Variants in ALLC observed in about 807,000 individuals in gnomAD.
The protein encoded by ALLC is probable inactive allantoicase.
In ALLC, 40 loss-of-function variants were observed where a neutral mutation model predicts 45.0. That is an observed-to-expected ratio of 0.89 (90% CI 0.69 to 1.16). ALLC has a LOEUF of 1.16. ALLC is among the 50% of genes most tolerant of loss of function. ALLC has a pLI of 0.00. For missense variants in ALLC, 488 were observed against 493.1 expected, an observed-to-expected ratio of 0.99 and a Z score of 0.10; for synonymous variants, 176 against 178.1, an observed-to-expected ratio of 0.99 and a Z score of 0.09.
chr2:3,680,369 C>A lies in ALLC; in HGVS notation c.298+375C>A, dbSNP rs1401154708. ...AGGTCTGGGACAGCTGTGGGGTGAG[C>A]AGCACCAGCCCTGCTTTGGGCTGTC... is the stretch of plus-strand genomic sequence containing the variant. On this transcript the variant is annotated intron_variant, in intron 5 of 11. Coordinates refer to ENST00000252505, the MANE Select transcript of ALLC (RefSeq NM_018436.4). The surrounding 1 kb of genome is among the most constrained non-coding windows in gnomAD (Gnocchi z 4.0). 6.6e-6 allele frequency among the ~76,000 whole-genome samples: 1 copy of A among 152,146 alleles called. No individual in the cohort carries two copies. Among genetic ancestry groups the A allele is most frequent in the Non-Finnish European group, 1.5e-5 (1 of 68,032 alleles).
intron 7 of ALLC, among the ~76,000 whole-genome samples, chr2:3,686,580 A>T (rs1667338945): frequency 6.6e-6 from 1 of 150,986 alleles, no homozygotes; most frequent in African/African-American, 2.4e-5. Context: ...AGCACGGAAC[A>T]TCTTTCCATT....
chr2:3,679,748 T>C, intron 4 of ALLC, 121 bp from the exon 5 acceptor site: 1 of 1,406,770 alleles, frequency 7.1e-7, no homozygotes, highest in Non-Finnish European at 9.9e-7. Flanking sequence ...TGAACAGTTT[T>C]TTCTGTGATG....
chr2:3,672,371 C>T (rs1339666815), intron 2 of ALLC, among the ~76,000 whole-genome samples: 1 of 121,466 alleles, frequency 8.2e-6, no homozygotes, highest in Non-Finnish European at 1.8e-5. Flanking sequence ...GGTCCTCTGG[C>T]TCTATTTAGA....
chr2:3,662,049 C>T (rs1666591052), intron 1 of ALLC, among the ~76,000 whole-genome samples: 1 of 152,224 alleles, frequency 6.6e-6, no homozygotes, highest in African/African-American at 2.4e-5. Context: ...CCCATGAGCC[C>T]TGAACTTCAG....
At chr2:3,650,447 A>G in the ALLC span, among the ~76,000 whole-genome samples, 2 of 152,170 alleles carry the variant, frequency 1.3e-5, no homozygotes, top group African/African-American at 4.8e-5. Context: ...CTACTGAGTG[A>G]GAGAAACAGC....
In ALLC at chr2:3,696,265, T is replaced by C; in HGVS notation, c.668-10T>C. On this transcript the variant is annotated splice_polypyrimidine_tract_variant and intron_variant, in intron 8 of 11. Transcript: ENST00000252505. ...TGCAGTTTACCATTCAACAATGTTA[T>C]TTTCTGTAGGAGTTGGCGGGGCAAA... The C allele has an allele frequency of 1.2e-6, 2 of 1,610,474 alleles. No individual in the cohort carries two copies. The highest frequency in any genetic ancestry group is 1.7e-6 in the Non-Finnish European group (2 of 1,178,258).
intron 2 of ALLC, among the ~76,000 whole-genome samples, chr2:3,671,591 C>T (rs111965223): frequency 0.028 from 2,965 of 106,092 alleles, 31 homozygotes; most frequent in African/African-American, 0.035. Context: ...GGTCCTCTGG[C>T]TCTAGTTAGA....
chr2:3,645,936 C>A, the ALLC span, among the ~76,000 whole-genome samples: 159 of 152,242 alleles, frequency 1.0e-3, 1 homozygote, highest in South Asian at 7.9e-3. The surrounding 1 kb of genome is among the most constrained non-coding windows in gnomAD (Gnocchi z 4.3). Flanking sequence ...GTGAGGGAGG[C>A]CCCGACGGCC....
In ALLC at chr2:3,665,653, T is replaced by A. The variant is rs148603959; in HGVS notation, c.-62-5443T>A. On this transcript the variant is annotated intron_variant, in intron 1 of 11. Coordinates refer to ENST00000252505, the MANE Select transcript of ALLC (RefSeq NM_018436.4). ...GCAAAGGACATGATCTCATTCCTTT[T>A]TATGGCTGCATAGTATTCCATGGTC... Among the ~76,000 whole-genome samples the A allele has an allele frequency of 7.7e-3, 1,179 of 152,386 alleles. 18 individuals are homozygous for A. The highest frequency in any genetic ancestry group is 0.026 in the African/African-American group (1,099 of 41,590).
chr2:3,651,301 T>TGGGGGGGGGGGGGGGGGGGGGG, the ALLC span, among the ~76,000 whole-genome samples: 1 of 7,772 alleles, frequency 1.3e-4, no homozygotes. Context: ...TCTTTTTGGG[T>TGGGGGGGGGGGGGGGGGGGGGG]GGGTGGGTGG....
Position 3,682,102 on chromosome 2 carries a change from G to A in ALLC, c.378+389G>A, listed in dbSNP as rs984317356. On this transcript the variant is annotated intron_variant, in intron 6 of 11. Transcript: ENST00000252505. ...AAAAATAAATAGGGCTTGTGTTTTG[G>A]TACATTCTTGTTTTTTTAATGTTTA... Among the ~76,000 whole-genome samples, 4 of 152,230 alleles carry A rather than the reference G, an allele frequency of 2.6e-5. No individual in the cohort carries two copies. In the South Asian group the frequency reaches 8.3e-4, roughly 32 times the overall value.
chr2:3,691,853 C>G (rs967799586), intron 7 of ALLC, among the ~76,000 whole-genome samples: 4 of 152,054 alleles, frequency 2.6e-5, no homozygotes, highest in African/African-American at 9.7e-5. Flanking sequence ...ATTTTGAGCT[C>G]ACTGATTCTT....
intron 10 of ALLC, among the ~76,000 whole-genome samples, chr2:3,700,019 T>G (rs377682200): frequency 1.3e-5 from 2 of 152,214 alleles, no homozygotes; most frequent in South Asian, 2.1e-4. Flanking sequence ...CATTTGTCAT[T>G]TTTTTTGCTT....
chr2:3,659,973 G>A (rs888235760), intron 1 of ALLC, among the ~76,000 whole-genome samples: 1 of 152,212 alleles, frequency 6.6e-6, no homozygotes, highest in African/African-American at 2.4e-5. Flanking sequence ...TTTATCTTAG[G>A]GGTGGGGAGA....
At chr2:3,679,269 A>C (rs1254203482) in intron 4 of ALLC, among the ~76,000 whole-genome samples, 2 of 152,242 alleles carry the variant, frequency 1.3e-5, no homozygotes, top group African/African-American at 4.8e-5. Context: ...ATCTGGCAGT[A>C]AATAACCAAG....
intron 7 of ALLC, among the ~76,000 whole-genome samples, chr2:3,687,113 T>C (rs1446894246): frequency 6.6e-6 from 1 of 151,020 alleles, no homozygotes; most frequent in African/African-American, 2.4e-5. Flanking sequence ...TTTTTTTTTC[T>C]ATACCCAATT....
rs556604940 is a variant in ALLC, at chr2:3,680,106, G to A, written c.298+112G>A. On this transcript the variant is annotated intron_variant, in intron 5 of 11. Coordinates refer to ENST00000252505, the MANE Select transcript of ALLC (RefSeq NM_018436.4). The surrounding 1 kb of genome is among the most constrained non-coding windows in gnomAD (Gnocchi z 4.0). ...CCCTACCACCCAGACAGCTTCAGGC[G>A]CTTGACTAAGGCTACTTTACTGTAA... 77 of 1,448,380 alleles carry A rather than the reference G, an allele frequency of 5.3e-5. 1 individual carries two copies. In the African/African-American group the frequency reaches 8.7e-4, roughly 16 times the overall value. 89.7% of individuals were successfully genotyped at this position (1,448,380 alleles called of 1,614,324 possible). A position where few individuals can be genotyped will look rare whatever the true frequency, so the allele number is the denominator to read the frequency against.
At chr2:3,673,378 A>T (rs569121920) in intron 2 of ALLC, among the ~76,000 whole-genome samples, 1 of 152,106 alleles carries the variant, frequency 6.6e-6, no homozygotes, top group Non-Finnish European at 1.5e-5. Flanking sequence ...GAACAGGTCA[A>T]CCTCAGCACA....
chr2:3,682,979 CT>C lies in ALLC; in HGVS notation c.417del (p.Glu140SerfsTer59), dbSNP rs1667235956. On this transcript the variant is annotated frameshift_variant, in exon 7 of 12. Coordinates refer to ENST00000252505, the MANE Select transcript of ALLC (RefSeq NM_018436.4). LOFTEE classifies it high-confidence loss of function. ...GACTGGAGTTACTTGGTTCCCATGACTGAGCTTAAGCCAGGAAACCCTGCTT... is the reference window on the plus strand; with the variant it reads ...GACTGGAGTTACTTGGTTCCCATGACGAGCTTAAGCCAGGAAACCCTGCTT... ...SDDWSYLVPM[T>X]ELKPGNPASG... 4 of 1,613,884 alleles carry C rather than the reference CT, an allele frequency of 2.5e-6. No individual in the cohort carries two copies. The highest frequency in any genetic ancestry group is 2.5e-6 in the Non-Finnish European group (3 of 1,179,808).
Sources: allele counts gnomAD v4.1 joint callset (sites outside exome capture counted in the v4.1 genomes callset), GRCh38; gene constraint gnomAD v4.1.1; non-coding constraint Gnocchi (gnomAD v3.1); transcripts MANE v1.5; gene names NCBI Gene and HGNC (gene_info 2026-07-23, HGNC 2026-07-21).